Variants in EPHA5 observed in about 807,000 individuals in gnomAD.
EPHA5 encodes the protein EPH receptor A5.
EPHA5 carries 60 observed loss-of-function variants against 105.0 expected under a neutral mutation model. The observed-to-expected ratio is 0.57, with a 90% CI of 0.46 to 0.71. The LOEUF is 0.71. Among genes scored for constraint, EPHA5 ranks in the 30% least tolerant of loss-of-function variants. The probability of loss-of-function intolerance (pLI) is 0.00; values close to 1 mark genes in which losing one functional copy is unlikely to be tolerated. For synonymous variants in EPHA5, 513 were observed against 449.1 expected (o/e 1.14, Z -1.80); for missense variants, 1,218 against 1,274.7 (o/e 0.96, Z 0.68).
chr4:65,583,762 C>A (rs1741866258), intron 3 of EPHA5, among the ~76,000 whole-genome samples: 1 of 151,458 alleles, frequency 6.6e-6, no homozygotes, highest in African/African-American at 2.4e-5. Context: ...AGAAACATAT[C>A]TTTGTTATTG....
intron 3 of EPHA5, among the ~76,000 whole-genome samples, chr4:65,598,541 A>G (rs565235200): frequency 1.3e-5 from 2 of 152,304 alleles, no homozygotes; most frequent in South Asian, 4.1e-4. Context: ...ATCAAGGTGT[A>G]TGTGGACTAA....
At chr4:65,379,629 G>A (rs1719361542) in intron 8 of EPHA5, among the ~76,000 whole-genome samples, 1 of 151,546 alleles carries the variant, frequency 6.6e-6, no homozygotes, top group South Asian at 2.1e-4. Context: ...AAAAGTGTTA[G>A]CTATTACTCT....
chr4:65,512,096 C>A (rs1223971454), intron 3 of EPHA5, among the ~76,000 whole-genome samples: 1 of 151,870 alleles, frequency 6.6e-6, no homozygotes, highest in Non-Finnish European at 1.5e-5. Flanking sequence ...AGAGGAATAC[C>A]CAATGGTGGG....
In EPHA5 at chr4:65,601,693, G is replaced by C. The variant is rs767238890; in HGVS notation, c.858C>G (p.Ile286Met). The change falls in exon 3 of 17, where the codon ATC becomes ATG. Residue 286 changes from isoleucine to methionine, a missense_variant. By Grantham distance (10) the Ile-to-Met change is conservative. Around this residue, in one of 3 missense-constraint regions of EPHA5, gnomAD observed 971 missense variants for 1,013.5 expected, o/e 0.96. Coordinates refer to ENST00000613740, the MANE Select transcript of EPHA5 (RefSeq NM_001281766.3). ...CSAEGEWLVPIGKCMCKAGYE... is the reference protein window; with the variant it reads ...CSAEGEWLVPMGKCMCKAGYE... ...ATCCTGCCTTGCACATGCATTTCCCGATGGGCACCAGCCACTCCCCTTCGG... is the reference window on the plus strand; with the variant it reads ...ATCCTGCCTTGCACATGCATTTCCCCATGGGCACCAGCCACTCCCCTTCGG... 6.2e-7 allele frequency: 1 copy of C among 1,613,974 alleles called. No individual in the cohort carries two copies. Among genetic ancestry groups the C allele is most frequent in the Non-Finnish European group, 8.5e-7 (1 of 1,179,968 alleles).
intron 2 of EPHA5, among the ~76,000 whole-genome samples, chr4:65,616,300 C>T (rs1463951404): frequency 6.6e-6 from 1 of 151,630 alleles, no homozygotes; most frequent in Non-Finnish European, 1.5e-5. Flanking sequence ...AAGAAGTAAA[C>T]AAGAAATATA....
intron 8 of EPHA5, among the ~76,000 whole-genome samples, chr4:65,398,175 C>G (rs970160846): frequency 6.6e-6 from 1 of 152,194 alleles, no homozygotes; most frequent in Non-Finnish European, 1.5e-5. Context: ...GGCCTGTTAC[C>G]ACTGCCTGGC....
chr4:65,648,397 A>C (rs577714627), intron 1 of EPHA5, among the ~76,000 whole-genome samples: 17 of 152,306 alleles, frequency 1.1e-4, no homozygotes, highest in Admixed American at 1.0e-3. Flanking sequence ...GTGTTTTCAG[A>C]CTTTGAAGAG....
chr4:65,416,487 A>T (rs1433588102), intron 6 of EPHA5, among the ~76,000 whole-genome samples: 1 of 128,644 alleles, frequency 7.8e-6, no homozygotes, highest in Non-Finnish European at 1.7e-5. Context: ...TCCCCCATTG[A>T]AAAGTAAAAA....
chr4:65,643,748 T>C (rs1747873813), intron 1 of EPHA5, among the ~76,000 whole-genome samples: 3 of 151,554 alleles, frequency 2.0e-5, no homozygotes, highest in Admixed American at 2.0e-4. Flanking sequence ...CCCACAAAAA[T>C]GAAACTTTCA....
intron 5 of EPHA5, among the ~76,000 whole-genome samples, chr4:65,444,747 C>A (rs777331867): frequency 8.6e-5 from 13 of 151,902 alleles, no homozygotes; most frequent in Non-Finnish European, 1.3e-4. Flanking sequence ...ATTATATTAC[C>A]ACTTCATCAC....
intron 4 of EPHA5, among the ~76,000 whole-genome samples, chr4:65,491,989 A>T (rs572771891): frequency 4.6e-5 from 7 of 152,292 alleles, no homozygotes; most frequent in African/African-American, 1.7e-4. Flanking sequence ...ATCTCTCCTT[A>T]CAGAGAATAA....
chr4:65,435,253 G>A (rs1286528276), intron 5 of EPHA5, among the ~76,000 whole-genome samples: 2 of 152,084 alleles, frequency 1.3e-5, no homozygotes, highest in African/African-American at 4.8e-5. Flanking sequence ...TCTTGGATCA[G>A]TCCATGATTT....
chr4:65,582,602 C>T (rs1477044541), intron 3 of EPHA5, among the ~76,000 whole-genome samples: 2 of 151,494 alleles, frequency 1.3e-5, no homozygotes, highest in African/African-American at 2.4e-5. Flanking sequence ...AACTCTTCTC[C>T]AGATGAGTGA....
At chr4:65,460,110 AGATAATTAAG>A (rs976428144) in intron 5 of EPHA5, among the ~76,000 whole-genome samples, 79 of 151,776 alleles carry the variant, frequency 5.2e-4, no homozygotes, top group African/African-American at 1.8e-3. Flanking sequence ...TCTAATGTAA[AGATAATTAAG>A]GACACTTTTA....
At chr4:65,524,945 C>T (rs1484301268) in intron 3 of EPHA5, among the ~76,000 whole-genome samples, 1 of 151,594 alleles carries the variant, frequency 6.6e-6, no homozygotes, top group Non-Finnish European at 1.5e-5. Context: ...CTGCTCTGTT[C>T]CATAATGACA....
At chr4:65,630,747 T>C (rs538973169) in intron 2 of EPHA5, among the ~76,000 whole-genome samples, 24 of 152,288 alleles carry the variant, frequency 1.6e-4, no homozygotes, top group African/African-American at 5.8e-4. Context: ...GATTCGCCGC[T>C]GGTAACAGTC....
chr4:65,482,464 C>G (rs1037558928), intron 5 of EPHA5, among the ~76,000 whole-genome samples: 1 of 152,056 alleles, frequency 6.6e-6, no homozygotes. Context: ...GACATTGAAG[C>G]TACATTCAAG....
intron 8 of EPHA5, among the ~76,000 whole-genome samples, chr4:65,383,568 A>G (rs1015188826): frequency 3.1e-4 from 47 of 152,042 alleles, no homozygotes; most frequent in African/African-American, 1.1e-3. Flanking sequence ...GCATGGAACT[A>G]TGACTATTGT....
chr4:65,626,924 A>G (rs1338637969), intron 2 of EPHA5, among the ~76,000 whole-genome samples: 5 of 152,214 alleles, frequency 3.3e-5, no homozygotes, highest in Non-Finnish European at 7.3e-5. Context: ...AAAAAGGTAG[A>G]CTTGAAATCC....
Sources: gnomAD v4.1 joint callset for allele counts (sites outside exome capture counted in the v4.1 genomes callset) on GRCh38, gnomAD v4.1.1 for gene constraint, gnomAD v4.1.1 regional missense constraint, MANE v1.5 for transcripts, NCBI Gene and HGNC (gene_info 2026-07-23, HGNC 2026-07-21) for gene names.